The following PRKCB variants were observed in gnomAD, a reference collection of about 807,000 sequenced individuals.
The protein encoded by PRKCB is protein kinase C beta, also known as protein kinase C beta type.
A neutral mutation model predicts 81.5 loss-of-function variants in PRKCB; 13 were observed. The observed-to-expected ratio is 0.16, with a 90% CI of 0.10 to 0.25. The LOEUF is 0.25. Ranked by LOEUF, PRKCB falls within the 10% of genes least tolerant of loss-of-function variation. The pLI, the probability that PRKCB is intolerant of heterozygous loss-of-function variation, is 1.00. For missense variants in PRKCB, 509 were observed against 875.7 expected, an observed-to-expected ratio of 0.58 and a Z score of 5.29; for synonymous variants, 335 against 321.4, an observed-to-expected ratio of 1.04 and a Z score of -0.45.
intron 3 of PRKCB, among the ~76,000 whole-genome samples, chr16:24,027,533 C>T (rs1483109143): frequency 1.3e-5 from 2 of 152,090 alleles, no homozygotes; most frequent in African/African-American, 2.4e-5. Flanking sequence ...TTGCTGGGGT[C>T]CTTTTGTAGC....
chr16:24,019,632 C>T (rs907830891), intron 3 of PRKCB, among the ~76,000 whole-genome samples: 1 of 151,924 alleles, frequency 6.6e-6, no homozygotes, highest in African/African-American at 2.4e-5. Flanking sequence ...GGCATGGTAG[C>T]GTGCACCAGT....
At chr16:23,890,988 GTATATA>G (rs1272361559) in intron 2 of PRKCB, among the ~76,000 whole-genome samples, 2 of 143,672 alleles carry the variant, frequency 1.4e-5, no homozygotes, top group African/African-American at 2.7e-5. Context: ...GGAACATTAT[GTATATA>G]TATAATGCGT....
At chr16:23,913,906 G>A (rs1407265229) in intron 2 of PRKCB, among the ~76,000 whole-genome samples, 2 of 152,200 alleles carry the variant, frequency 1.3e-5, no homozygotes, top group Admixed American at 6.5e-5. Context: ...TGTGCCCCCT[G>A]TGTGCCATTT....
At chr16:23,950,734 T>C (rs1964269450) in intron 2 of PRKCB, among the ~76,000 whole-genome samples, 1 of 152,248 alleles carries the variant, frequency 6.6e-6, no homozygotes, top group African/African-American at 2.4e-5. Context: ...TGGTTTTGCC[T>C]TTCAGGCTGG....
chr16:24,196,171 A>G (rs957782278), intron 16 of PRKCB, among the ~76,000 whole-genome samples: 14 of 152,206 alleles, frequency 9.2e-5, no homozygotes, highest in Non-Finnish European at 1.6e-4. Flanking sequence ...CTCTGTGTCA[A>G]ATCCCAGTGC....
intron 7 of PRKCB, among the ~76,000 whole-genome samples, chr16:24,105,055 A>ATTTTTTT (rs71154278): frequency 1.4e-5 from 2 of 148,134 alleles, no homozygotes; most frequent in African/African-American, 2.5e-5. Flanking sequence ...ACGTTGTTGG[A>ATTTTTTT]TTTTTTTTTT....
chr16:24,202,764 A>T (rs1967979120), intron 16 of PRKCB, among the ~76,000 whole-genome samples: 1 of 152,140 alleles, frequency 6.6e-6, no homozygotes, highest in African/African-American at 2.4e-5. Flanking sequence ...TGCTTATCTA[A>T]CTCTACATCA....
Position 23,883,584 on chromosome 16 carries a change from C to T in PRKCB, c.205+46178C>T, listed in dbSNP as rs147868388. Among the ~76,000 whole-genome samples the T allele has an allele frequency of 2.2e-4, 33 of 152,180 alleles. 1 individual carries two copies. The highest frequency in any genetic ancestry group is 4.6e-4 in the Non-Finnish European group (31 of 68,006). On this transcript the variant is annotated intron_variant, in intron 2 of 16. Coordinates refer to ENST00000643927, the MANE Select transcript of PRKCB (RefSeq NM_002738.7). The stretch of plus-strand genomic sequence containing the variant: ...GAGAATGGATTGTTGGGGACTGGAG[C>T]AGAAGTGGGAGGATGAGTCAGGAGT...
intron 15 of PRKCB, among the ~76,000 whole-genome samples, chr16:24,188,022 C>T (rs1394354889): frequency 6.6e-6 from 1 of 152,192 alleles, no homozygotes; most frequent in African/African-American, 2.4e-5. Context: ...CAGGGTCCTC[C>T]CCTTCACACG....
chr16:24,007,654 A>G (rs529417452), intron 3 of PRKCB, among the ~76,000 whole-genome samples: 2 of 152,292 alleles, frequency 1.3e-5, no homozygotes, highest in South Asian at 4.1e-4. Context: ...ACAGAAACCA[A>G]CCGTGCACAG....
chr16:24,110,471 A>G (rs1966661513), intron 7 of PRKCB, among the ~76,000 whole-genome samples: 1 of 149,746 alleles, frequency 6.7e-6, no homozygotes, highest in Admixed American at 6.6e-5. Context: ...TTGGTCTACC[A>G]AAGTACTGGG....
intron 4 of PRKCB, among the ~76,000 whole-genome samples, chr16:24,034,225 G>A (rs1332705828): frequency 6.6e-6 from 1 of 152,208 alleles, no homozygotes; most frequent in Non-Finnish European, 1.5e-5. Context: ...TGGTGCTCAG[G>A]TCCCAGAGGG....
intron 10 of PRKCB, among the ~76,000 whole-genome samples, chr16:24,157,556 G>C (rs963113259): frequency 1.4e-5 from 2 of 145,900 alleles, no homozygotes; most frequent in African/African-American, 2.6e-5. Context: ...GCTGAACTCC[G>C]AGTCAATTAA....
chr16:24,106,671 C>T (rs1258068504), intron 7 of PRKCB, among the ~76,000 whole-genome samples: 1 of 152,108 alleles, frequency 6.6e-6, no homozygotes, highest in Non-Finnish European at 1.5e-5. Context: ...AATTTACAGT[C>T]TTATCAATCT....
chr16:23,994,994 C>G (rs143429693), intron 3 of PRKCB, among the ~76,000 whole-genome samples: 2 of 152,292 alleles, frequency 1.3e-5, no homozygotes, highest in East Asian at 3.9e-4. Flanking sequence ...AGCAACTACT[C>G]TAGACATTGG....
chr16:24,046,849 A>G (rs972137756), intron 5 of PRKCB, among the ~76,000 whole-genome samples: 9 of 152,196 alleles, frequency 5.9e-5, no homozygotes, highest in African/African-American at 2.2e-4. Flanking sequence ...TTTAGGCCCC[A>G]AAACCACCCA....
intron 9 of PRKCB, among the ~76,000 whole-genome samples, chr16:24,148,432 T>G (rs1430170265): frequency 1.3e-5 from 2 of 152,204 alleles, no homozygotes; most frequent in African/African-American, 4.8e-5. Flanking sequence ...CTGGTGCCTA[T>G]CTCAGTGTCT....
In PRKCB at chr16:23,875,596, CAT is replaced by C. The variant is rs71154250; in HGVS notation, c.205+38193_205+38194del. On this transcript the variant is annotated intron_variant, in intron 2 of 16. Coordinates refer to ENST00000643927, the MANE Select transcript of PRKCB (RefSeq NM_002738.7). Reference sequence around the variant, plus strand: ...ATCAAACACATATGTATATCACACACATATGTATGTATATCACACACATATAT... The same window carrying C: ...ATCAAACACATATGTATATCACACACATGTATGTATATCACACACATATAT... 1.4e-3 allele frequency among the ~76,000 whole-genome samples: 45 copies of C among 31,850 alleles called. 8 individuals carry two copies. Among genetic ancestry groups the C allele is most frequent in the South Asian group, 3.6e-3 (2 of 556 alleles). 20.9% of individuals were successfully genotyped at this position (31,850 alleles called of 152,430 possible). A position where few individuals can be genotyped will look rare whatever the true frequency, so the allele number is the denominator to read the frequency against.
At chr16:24,203,493 A>C (rs1020595568) in intron 16 of PRKCB, among the ~76,000 whole-genome samples, 1 of 152,098 alleles carries the variant, frequency 6.6e-6, no homozygotes, top group African/African-American at 2.4e-5. Context: ...ACCTCTCAAC[A>C]CTGTTGCATT....
Sources: gnomAD v4.1 joint callset for allele counts (sites outside exome capture counted in the v4.1 genomes callset) on GRCh38, gnomAD v4.1.1 for gene constraint, MANE v1.5 for transcripts, NCBI Gene and HGNC (gene_info 2026-07-23, HGNC 2026-07-21) for gene names.